Variants in DYNC2H1 observed in about 807,000 individuals in gnomAD.
DYNC2H1 encodes cytoplasmic dynein 2 heavy chain 1.
A neutral mutation model predicts 570.0 loss-of-function variants in DYNC2H1; 410 were observed. The observed-to-expected ratio is 0.72, with a 90% CI of 0.66 to 0.78. The LOEUF (loss-of-function observed/expected upper bound fraction) is 0.78. Among genes scored for constraint, DYNC2H1 ranks in the 30% least tolerant of loss-of-function variants. The probability of loss-of-function intolerance (pLI) is 0.00; values close to 1 mark genes in which losing one functional copy is unlikely to be tolerated. For synonymous variants in DYNC2H1, 1,688 were observed against 1,677.6 expected, an observed-to-expected ratio of 1.01 and a Z score of -0.15; for missense variants, 4,865 against 5,046.4, an observed-to-expected ratio of 0.96 and a Z score of 1.09.
At chr11:103,452,324 T>C (rs1281704069) in intron 85 of DYNC2H1, among the ~76,000 whole-genome samples, 1 of 150,020 alleles carries the variant, frequency 6.7e-6, no homozygotes, top group African/African-American at 2.4e-5. Flanking sequence ...GTATCACTGA[T>C]ACATTTGAAT....
At chr11:103,282,904 T>C (rs1866197452) in intron 72 of DYNC2H1, 104 bp from the exon 73 acceptor site, 2 of 797,956 alleles carry the variant, frequency 2.5e-6, no homozygotes, top group Non-Finnish European at 4.0e-6. Context: ...AAATAATGCA[T>C]AGAATGAATT....
rs640123 is a variant in DYNC2H1 at position 103,185,625 on chromosome 11, G to A, written c.6633+574G>A. Among the ~76,000 whole-genome samples the A allele has an allele frequency of 0.029, 4,450 of 151,492 alleles. 98 individuals are homozygous for A. The highest frequency in any genetic ancestry group is 0.048 in the Middle Eastern group (14 of 294). On this transcript the variant is annotated intron_variant, in intron 41 of 88. Coordinates refer to ENST00000375735, the MANE Select transcript of DYNC2H1 (RefSeq NM_001377.3). This position sits in a 1 kb window ranked among gnomAD's most constrained non-coding sequence, Gnocchi z 4.5. ...TTTTTTCTCATTTTGCTGCTTCTTTGATAGTGTCATTTACTGCTTTCTCTA... is the reference window on the plus strand; with the variant it reads ...TTTTTTCTCATTTTGCTGCTTCTTTAATAGTGTCATTTACTGCTTTCTCTA...
At chr11:103,393,858 AAG>A (rs1356001450) in intron 83 of DYNC2H1, among the ~76,000 whole-genome samples, 1 of 152,194 alleles carries the variant, frequency 6.6e-6, no homozygotes, top group Non-Finnish European at 1.5e-5. Flanking sequence ...CGGGCAGGCA[AAG>A]AGAGAGAGCT....
intron 45 of DYNC2H1, among the ~76,000 whole-genome samples, chr11:103,191,166 A>G (rs992030985): frequency 6.6e-6 from 1 of 151,404 alleles, no homozygotes; most frequent in Non-Finnish European, 1.5e-5. Flanking sequence ...TAGCCTCTCA[A>G]GTAGCTGGGA....
At chr11:103,411,630 G>C (rs1036848660) in intron 84 of DYNC2H1, among the ~76,000 whole-genome samples, 4 of 151,388 alleles carry the variant, frequency 2.6e-5, no homozygotes, top group Non-Finnish European at 5.9e-5. Context: ...AACAAAAAGG[G>C]CTTAATTATA....
rs376509072 is a variant in DYNC2H1 at position 103,143,413 on chromosome 11, A to G, written c.2702+18A>G. On this transcript the variant is annotated intron_variant, in intron 18 of 88. Coordinates refer to ENST00000375735, the MANE Select transcript of DYNC2H1 (RefSeq NM_001377.3). ...CTTCCAAGGTATTGGAGGTTAATGTAGTACTTACGTACCATAATAATTTTT... is the reference window on the plus strand; with the variant it reads ...CTTCCAAGGTATTGGAGGTTAATGTGGTACTTACGTACCATAATAATTTTT... The G allele has an allele frequency of 1.6e-5, 25 of 1,594,490 alleles. No homozygotes were observed. In the African/African-American group the frequency reaches 2.6e-4, roughly 16 times the overall value.
Position 103,245,382 on chromosome 11 carries a change from A to G in DYNC2H1, c.10042+8A>G, listed in dbSNP as rs375945170. 6.3e-7 allele frequency: 1 copy of G among 1,575,870 alleles called. No individual in the cohort carries two copies. The highest frequency in any genetic ancestry group is 1.4e-5 in the African/African-American group (1 of 73,754). On this transcript the variant is annotated splice_region_variant and intron_variant, in intron 65 of 88. Coordinates refer to ENST00000375735, the MANE Select transcript of DYNC2H1 (RefSeq NM_001377.3). This position sits in a 1 kb window ranked among gnomAD's most constrained non-coding sequence, Gnocchi z 4.5. ...GAGATCTGGTTGCTCAAGGTAAATA[A>G]TTGACACTTTCCAGAGTGTAAATAT...
Position 103,236,522 on chromosome 11 carries a change from G to A in DYNC2H1, c.9802G>A (p.Ala3268Thr). Residue 3268 changes from alanine to threonine, a missense_variant, in exon 63 of 89, where the codon GCT becomes ACT. Around this residue, in one of 5 missense-constraint regions of DYNC2H1, gnomAD observed 2,401 missense variants for 2,454.6 expected, o/e 0.98. Coordinates refer to ENST00000375735, the MANE Select transcript of DYNC2H1 (RefSeq NM_001377.3). ...ATCAGATGACCTTTCCATAGAAAAT[G>A]CTCTTGTAATATTACAGGTAGTTAA... ...LPSDDLSIEN[A>T]LVILQSRVCP... 6.3e-7 allele frequency: 1 copy of A among 1,590,982 alleles called. No individual in the cohort carries two copies. Among genetic ancestry groups the A allele is most frequent in the Non-Finnish European group, 8.6e-7 (1 of 1,161,966 alleles).
intron 18 of DYNC2H1, among the ~76,000 whole-genome samples, chr11:103,144,507 A>G (rs1860134300): frequency 1.3e-5 from 2 of 152,180 alleles, no homozygotes; most frequent in African/African-American, 4.8e-5. Context: ...TAGGATTTTG[A>G]CAGGTGCAAA....
intron 75 of DYNC2H1, among the ~76,000 whole-genome samples, chr11:103,292,293 G>A (rs1375139848): frequency 6.6e-6 from 1 of 151,650 alleles, no homozygotes; most frequent in Non-Finnish European, 1.5e-5. Flanking sequence ...GAGGCTTGAA[G>A]AAAACATAAC....
At chr11:103,311,650 A>T (rs1030189188) in intron 78 of DYNC2H1, among the ~76,000 whole-genome samples, 1 of 151,328 alleles carries the variant, frequency 6.6e-6, no homozygotes, top group African/African-American at 2.4e-5. Context: ...ATTATTGTAT[A>T]GATTTTTAAA....
At chr11:103,222,928 A>G (rs954934339) in intron 58 of DYNC2H1, 37 bp from the exon 59 acceptor site, 2 of 1,609,490 alleles carry the variant, frequency 1.2e-6, no homozygotes, top group Non-Finnish European at 1.7e-6. Flanking sequence ...TTTGAAATTA[A>G]GTAAGGATGT....
At chr11:103,469,558 C>T (rs1019310960) in intron 88 of DYNC2H1, among the ~76,000 whole-genome samples, 4 of 152,070 alleles carry the variant, frequency 2.6e-5, no homozygotes, top group Non-Finnish European at 5.9e-5. Context: ...ATCAAATGCA[C>T]CAGAGTATTT....
At chr11:103,216,628 C>T (rs1414542177) in intron 55 of DYNC2H1, among the ~76,000 whole-genome samples, 1 of 151,742 alleles carries the variant, frequency 6.6e-6, no homozygotes, top group Non-Finnish European at 1.5e-5. Context: ...CTTATCTCTA[C>T]AAAAAAAGTA....
chr11:103,269,531 C>T (rs543778723), intron 70 of DYNC2H1, among the ~76,000 whole-genome samples: 1 of 152,282 alleles, frequency 6.6e-6, no homozygotes, highest in East Asian at 1.9e-4. Flanking sequence ...TTAATATTCA[C>T]ATCACATTGA....
Position 103,234,041 on chromosome 11 carries a change from A to G in DYNC2H1, c.9448A>G (p.Ser3150Gly), listed in dbSNP as rs1238514157. 1.3e-6 allele frequency: 2 copies of G among 1,554,730 alleles called. No homozygotes were observed. The highest frequency in any genetic ancestry group is 3.9e-5 in the Admixed American group (2 of 51,386). ...ATTTTAATGTTTACATAGATTTCAG[A>G]GCAGGACTTCAGAAGCTGCCAAACT... ...KVSELKEKFQ[S>G]RTSEAAKLEA... The change falls in exon 61 of 89, where the codon AGC becomes GGC. Residue 3150 changes from serine (S) to glycine (G), a missense_variant. Transcript: ENST00000375735.
intron 83 of DYNC2H1, among the ~76,000 whole-genome samples, chr11:103,397,816 G>A (rs563886574): frequency 1.3e-5 from 2 of 152,286 alleles, no homozygotes; most frequent in African/African-American, 4.8e-5. Context: ...GATCACCTGA[G>A]CCCAGGAGGT....
At chr11:103,350,274 T>G (rs957561695) in intron 82 of DYNC2H1, among the ~76,000 whole-genome samples, 1 of 152,162 alleles carries the variant, frequency 6.6e-6, no homozygotes. Flanking sequence ...TCTATTCATT[T>G]CAAAAACAGA....
At chr11:103,391,311 C>A (rs527666678) in intron 83 of DYNC2H1, among the ~76,000 whole-genome samples, 1 of 152,164 alleles carries the variant, frequency 6.6e-6, no homozygotes, top group Non-Finnish European at 1.5e-5. Flanking sequence ...CTTGTGCATT[C>A]ATCACGTAGT....
Sources: gnomAD v4.1 joint callset for allele counts (sites outside exome capture counted in the v4.1 genomes callset) on GRCh38, gnomAD v4.1.1 for gene constraint, gnomAD v4.1.1 regional missense constraint, Gnocchi (gnomAD v3.1) non-coding constraint, MANE v1.5 for transcripts, NCBI Gene and HGNC (gene_info 2026-07-23, HGNC 2026-07-21) for gene names.